The following MYLK3 variants were observed in gnomAD, a reference collection of about 807,000 sequenced individuals.
MYLK3 encodes the protein MLC kinase.
MYLK3 carries 55 observed loss-of-function variants against 76.3 expected under a neutral mutation model. The observed-to-expected ratio is 0.72, with a 90% CI of 0.58 to 0.90. MYLK3 has a LOEUF of 0.90. MYLK3 is among the 40% of genes least tolerant of loss of function. The pLI is 0.00. For missense variants in MYLK3, 973 were observed against 1,053.6 expected (o/e 0.92, Z 1.06); for synonymous variants, 416 against 425.4 (o/e 0.98, Z 0.27).
intron 3 of MYLK3, among the ~76,000 whole-genome samples, chr16:46,733,673 C>T (rs1425998624): frequency 6.6e-6 from 1 of 152,042 alleles, no homozygotes; most frequent in South Asian, 2.1e-4. Flanking sequence ...CCTCTCTCTC[C>T]GAGTCTCCCC....
chr16:46,745,918 C>G (rs899044455), intron 1 of MYLK3, among the ~76,000 whole-genome samples: 3 of 151,856 alleles, frequency 2.0e-5, no homozygotes, highest in Admixed American at 2.0e-4. Context: ...GCCTAGGGGG[C>G]CAGGGTATTG....
intron 9 of MYLK3, among the ~76,000 whole-genome samples, chr16:46,718,467 T>C (rs1385864532): frequency 1.3e-5 from 2 of 152,136 alleles, no homozygotes; most frequent in Non-Finnish European, 2.9e-5. Flanking sequence ...AAATGGGTAA[T>C]GTTTACACTT....
intron 1 of MYLK3, among the ~76,000 whole-genome samples, chr16:46,756,753 C>T (rs1450338106): frequency 2.0e-5 from 3 of 152,196 alleles, no homozygotes; most frequent in African/African-American, 7.2e-5. Flanking sequence ...CACAGGTTTC[C>T]TCATCTGCAC....
chr16:46,738,179 A>G, intron 2 of MYLK3, 36 bp from the exon 3 acceptor site: 1 of 1,457,500 alleles, frequency 6.9e-7, no homozygotes. Context: ...ATGCACTCCC[A>G]TGTGGAGGAG....
chr16:46,736,389 T>C (rs116142016), intron 3 of MYLK3, among the ~76,000 whole-genome samples: 1 of 152,318 alleles, frequency 6.6e-6, no homozygotes, highest in African/African-American at 2.4e-5. Flanking sequence ...AATACACCCA[T>C]GTCTGAGGTG....
In MYLK3 at chr16:46,732,598, G is replaced by A; in HGVS notation, c.1072C>T (p.Pro358Ser). 1.3e-6 allele frequency: 2 copies of A among 1,586,690 alleles called. No homozygotes were observed. The highest frequency in any genetic ancestry group is 1.7e-6 in the Non-Finnish European group (2 of 1,173,264). Residue 358 changes from proline to serine, a missense_variant, in exon 4 of 13, where the codon CCC becomes TCC. This residue lies in a region of MYLK3 where 641 missense variants were observed against 637.0 expected (regional missense o/e 1.01). Coordinates refer to ENST00000394809, the MANE Select transcript of MYLK3 (RefSeq NM_182493.3). ...GCTGGAGCCTCTGTGGTGAGGGTGGGTCCAAGGCTGCCCCTGCCTGTCATC... is the reference window on the plus strand; with the variant it reads ...GCTGGAGCCTCTGTGGTGAGGGTGGATCCAAGGCTGCCCCTGCCTGTCATC... ...MLMTGRGSLG[P>S]TLTTEAPAAA... is the part of the protein sequence containing the mutation.
chr16:46,730,791 C>A, intron 4 of MYLK3, 93 bp from the exon 5 acceptor site: 1 of 1,063,248 alleles, frequency 9.4e-7, no homozygotes, highest in Non-Finnish European at 1.5e-6. Context: ...TCTCTTGGTC[C>A]ACCAGGCCCT....
Position 46,706,754 on chromosome 16 carries a change from G to A in MYLK3, c.*950C>T, listed in dbSNP as rs1188249223. 1 of 152,242 alleles carries A rather than the reference G, an allele frequency of 6.6e-6. No homozygotes were observed. The highest frequency in any genetic ancestry group is 2.4e-5 in the African/African-American group (1 of 41,448). The allele number at this position is 152,242 out of a possible 1,614,324, so 9.4% of individuals were successfully genotyped here. A position where few individuals can be genotyped will look rare whatever the true frequency, so the allele number is the denominator to read the frequency against. The stretch of plus-strand genomic sequence containing the variant: ...GTAGGCTGCAGAGTGGGATGAAGAG[G>A]AGAGCATGGTGTTGCTGTCTCAGGG... On this transcript the variant is annotated 3_prime_UTR_variant, in exon 13 of 13. Coordinates refer to ENST00000394809, the MANE Select transcript of MYLK3 (RefSeq NM_182493.3).
In MYLK3 at chr16:46,757,297, CT is replaced by C. The variant is rs557874222; in HGVS notation, c.-114+5742del. On this transcript the variant is annotated intron_variant, in intron 1 of 11. Coordinates refer to the MYLK3 transcript ENST00000536476. ...CCCCTAAACCAAAGCTTTCTGCTGA[CT>C]TTCTTGGCGCAAGAGAACCCAGGAC... The C allele has an allele frequency of 1.3e-3, 1,188 of 888,060 alleles. 12 individuals are homozygous for C. The highest frequency in any genetic ancestry group is 1.5e-3 in the Non-Finnish European group (1,135 of 740,814). 55.0% of individuals were successfully genotyped at this position (888,060 alleles called of 1,614,324 possible).
At chr16:46,725,474 T>C (rs1230142784) in intron 8 of MYLK3, among the ~76,000 whole-genome samples, 1 of 152,232 alleles carries the variant, frequency 6.6e-6, no homozygotes, top group Non-Finnish European at 1.5e-5. Context: ...TTTATTATTT[T>C]CATCATGAAA....
At chr16:46,707,819 C>T (rs372149800) in intron 12 of MYLK3, 56 bp from the exon 13 acceptor site, 3 of 1,326,668 alleles carry the variant, frequency 2.3e-6, no homozygotes, top group South Asian at 2.5e-5. Flanking sequence ...AGACCAGTTG[C>T]CTTATGAAGA....
At position 46,747,700 on chromosome 16, in the gene MYLK3, G is replaced by A; in HGVS notation, c.477+17C>T. On this transcript the variant is annotated intron_variant, in intron 1 of 12. Coordinates refer to ENST00000394809, the MANE Select transcript of MYLK3 (RefSeq NM_182493.3). ...CGGGGCCTCCCATCCAGCCAGGGCA[G>A]GGAAGCAGGAACCAACCTCCTCAGG... 6.2e-7 allele frequency: 1 copy of A among 1,604,384 alleles called. No individual in the cohort carries two copies. The highest frequency in any genetic ancestry group is 8.5e-7 in the Non-Finnish European group (1 of 1,174,006).
upstream of MYLK3, among the ~76,000 whole-genome samples, chr16:46,753,159 A>C (rs1567293432): frequency 6.6e-6 from 1 of 152,192 alleles, no homozygotes; most frequent in Non-Finnish European, 1.5e-5. Context: ...CGAATACAAA[A>C]GCTGGCATGG....
At chr16:46,749,300 C>T (rs1967086072), upstream of MYLK3, among the ~76,000 whole-genome samples, 1 of 152,228 alleles carries the variant, frequency 6.6e-6, no homozygotes, top group Admixed American at 6.5e-5. Flanking sequence ...AGGGCAAAGC[C>T]CAGAGAGGGG....
intron 1 of MYLK3, among the ~76,000 whole-genome samples, chr16:46,741,437 G>GTCAAGCAAATATT (rs1966928933): frequency 6.6e-6 from 1 of 152,206 alleles, no homozygotes; most frequent in African/African-American, 2.4e-5. Flanking sequence ...TGCTTAGTTA[G>GTCAAGCAAATATT]TCCACACTCA....
Position 46,709,510 on chromosome 16 carries a change from C to A in MYLK3, c.2400+29G>T, listed in dbSNP as rs201748110. ...CAAGGACAGATTAGGATGACAAATT[C>A]CACCTTTACTAAGAGAAAAACCAAA... On this transcript the variant is annotated intron_variant, in intron 12 of 12. Transcript: ENST00000394809. 9 of 1,602,400 alleles carry A rather than the reference C, an allele frequency of 5.6e-6. No individual in the cohort carries two copies. In the Admixed American group the frequency reaches 1.0e-4, roughly 19 times the overall value.
intron 4 of MYLK3, among the ~76,000 whole-genome samples, chr16:46,731,908 A>G (rs1966853235): frequency 6.6e-6 from 1 of 152,064 alleles, no homozygotes. Context: ...GACTATGATC[A>G]TGCCACTGGA....
intron 8 of MYLK3, among the ~76,000 whole-genome samples, chr16:46,724,173 T>G (rs115115259): frequency 0.017 from 2,613 of 152,302 alleles, 77 homozygotes; most frequent in African/African-American, 0.059. Context: ...TGTTGAGTTA[T>G]AAGAGTTTGT....
chr16:46,747,740 T>C lies in MYLK3; in HGVS notation c.454A>G (p.Ser152Gly), dbSNP rs1967053658. Reference sequence around the variant, plus strand: ...ACCTCCTCAGGGCTGTCACCTGGGCTGCCTCTCCTCCAGGGCACACGCCCC... The same window carrying C: ...ACCTCCTCAGGGCTGTCACCTGGGCCGCCTCTCCTCCAGGGCACACGCCCC... Reference protein sequence around the residue: ...MQGRVPWRRGSPGDSPEENKE... With the variant: ...MQGRVPWRRGGPGDSPEENKE... The change falls in exon 1 of 13, where the codon AGC becomes GGC. Residue 152 changes from serine to glycine, a missense_variant. This residue lies in a region of MYLK3 where 641 missense variants were observed against 637.0 expected (regional missense o/e 1.01). Coordinates refer to ENST00000394809, the MANE Select transcript of MYLK3 (RefSeq NM_182493.3). 1 of 1,613,862 alleles carries C rather than the reference T, an allele frequency of 6.2e-7. No individual in the cohort carries two copies.
Sources: allele counts gnomAD v4.1 joint callset (sites outside exome capture counted in the v4.1 genomes callset), GRCh38; gene constraint gnomAD v4.1.1; regional missense constraint gnomAD v4.1.1; transcripts MANE v1.5; gene names NCBI Gene and HGNC (gene_info 2026-07-23, HGNC 2026-07-21).